The following ABLIM1 variants were observed in gnomAD, a reference collection of about 807,000 sequenced individuals.
ABLIM1 encodes the protein actin binding LIM protein 1, also known as actin-binding LIM protein 1.
Under a neutral mutation model 107.0 loss-of-function variants are expected in ABLIM1, and 40 were observed. That is an observed-to-expected ratio of 0.37 (90% CI 0.29 to 0.49). The LOEUF is 0.49. Ranked by LOEUF, ABLIM1 falls within the 20% of genes least tolerant of loss-of-function variation. The pLI is 0.97. For synonymous variants in ABLIM1, 357 were observed against 357.3 expected, an observed-to-expected ratio of 1.00 and a Z score of 0.01; for missense variants, 857 against 1,008.5, an observed-to-expected ratio of 0.85 and a Z score of 2.04.
In ABLIM1 at chr10:114,444,152, G is replaced by GAAAAA; in HGVS notation, c.1828-23_1828-19dup. 6.3e-6 allele frequency: 8 copies of GAAAAA among 1,276,162 alleles called. No homozygotes were observed. The highest frequency in any genetic ancestry group is 1.5e-5 in the South Asian group (1 of 67,022). The allele number at this position is 1,276,162 out of a possible 1,614,324, so 79.1% of individuals were successfully genotyped here. On this transcript the variant is annotated intron_variant, in intron 16 of 22. Coordinates refer to ENST00000533213, the MANE Select transcript of ABLIM1 (RefSeq NM_002313.7). Reference sequence around the variant, plus strand: ...GAGTTAAGCTATTCACAGAAAAAAGGAAAAAAAAAAAAAAAAGAAAGCAAA... The same window carrying GAAAAA: ...GAGTTAAGCTATTCACAGAAAAAAGGAAAAAAAAAAAAAAAAAAAAAGAAAGCAAA...
intron 13 of ABLIM1, among the ~76,000 whole-genome samples, chr10:114,452,977 C>A (rs919377649): frequency 6.6e-6 from 1 of 152,178 alleles, no homozygotes; most frequent in Non-Finnish European, 1.5e-5. Context: ...TAAAAGTATT[C>A]TCTCAGGTGA....
At chr10:114,623,347 G>T (rs368881453) in intron 1 of ABLIM1, among the ~76,000 whole-genome samples, 1 of 152,172 alleles carries the variant, frequency 6.6e-6, no homozygotes, top group African/African-American at 2.4e-5. Context: ...TTTGCTCCCA[G>T]TATCATATAC....
intron 6 of ABLIM1, among the ~76,000 whole-genome samples, chr10:114,524,639 T>C (rs1205404451): frequency 6.6e-6 from 1 of 152,182 alleles, no homozygotes; most frequent in South Asian, 2.1e-4. Flanking sequence ...TGGGTAACTA[T>C]TTGCTTTATA....
At chr10:114,743,866 GA>G (rs201110969) in intron 1 of ABLIM1, among the ~76,000 whole-genome samples, 1 of 150,788 alleles carries the variant, frequency 6.6e-6, no homozygotes. Flanking sequence ...TAATGTAAAA[GA>G]AAAAAAAAGC....
chr10:114,541,258 T>C (rs962353028), intron 6 of ABLIM1, among the ~76,000 whole-genome samples: 1 of 151,710 alleles, frequency 6.6e-6, no homozygotes, highest in East Asian at 1.9e-4. Flanking sequence ...GAACTCAGTT[T>C]AAGAACTAAC....
intron 1 of ABLIM1, among the ~76,000 whole-genome samples, chr10:114,742,631 T>C (rs577294379): frequency 2.0e-5 from 3 of 152,230 alleles, no homozygotes; most frequent in East Asian, 1.9e-4. Flanking sequence ...AATGGAGTAA[T>C]AATATTATCT....
chr10:114,626,269 A>G (rs1401560383), intron 1 of ABLIM1, among the ~76,000 whole-genome samples: 1 of 152,176 alleles, frequency 6.6e-6, no homozygotes, highest in Non-Finnish European at 1.5e-5. Context: ...ATCAAACCAT[A>G]AAGGGTGCTG....
Position 114,433,427 on chromosome 10 carries a change from G to A in ABLIM1, c.*2833C>T, listed in dbSNP as rs1663415540. ...GCCTTTTGCTGGGAAATGGAGTAGG[G>A]GGCCCACTCTGCATTATGGTTTCCA... On this transcript the variant is annotated 3_prime_UTR_variant, in exon 23 of 23. Coordinates refer to ENST00000533213, the MANE Select transcript of ABLIM1 (RefSeq NM_002313.7). The A allele has an allele frequency of 6.6e-6, 1 of 152,206 alleles. No homozygotes were observed. Among genetic ancestry groups the A allele is most frequent in the Non-Finnish European group, 1.5e-5 (1 of 68,042 alleles). The allele number at this position is 152,206 out of a possible 1,614,324, so 9.4% of individuals were successfully genotyped here.
chr10:114,456,842 G>C (rs970050157), intron 12 of ABLIM1, among the ~76,000 whole-genome samples: 2 of 151,862 alleles, frequency 1.3e-5, no homozygotes, highest in Non-Finnish European at 2.9e-5. Flanking sequence ...CCAAGGACTG[G>C]ATTCTGGCTG....
chr10:114,718,020 AAGGAAG>A lies in ABLIM1; in HGVS notation c.-213+50035_-213+50040del, dbSNP rs1441897275. Among the ~76,000 whole-genome samples, 238 of 137,334 alleles carry A rather than the reference AAGGAAG, an allele frequency of 1.7e-3. 1 individual carries two copies. The highest frequency in any genetic ancestry group is 4.0e-3 in the African/African-American group (143 of 36,118). 90.1% of individuals were successfully genotyped at this position (137,334 alleles called of 152,430 possible). ...GAAGGAAGGAAGGAAGGAAGGAAGG[AAGGAAG>A]GAAGGAGAAAGAGAAAGAGAAAGAA... is the stretch of plus-strand genomic sequence containing the variant. On this transcript the variant is annotated intron_variant, in intron 1 of 15. Transcript: ENST00000651092.
At chr10:114,691,990 G>C (rs1211655275) in intron 1 of ABLIM1, among the ~76,000 whole-genome samples, 4 of 152,154 alleles carry the variant, frequency 2.6e-5, no homozygotes, top group Non-Finnish European at 4.4e-5. Flanking sequence ...TCTCTCTCCT[G>C]CACTGTTCAC....
At chr10:114,485,978 C>G (rs1202053171) in intron 8 of ABLIM1, among the ~76,000 whole-genome samples, 1 of 152,186 alleles carries the variant, frequency 6.6e-6, no homozygotes, top group African/African-American at 2.4e-5. Context: ...GAGCCTCTTC[C>G]TCACTTCTGA....
chr10:114,484,536 C>A (rs2057892685), intron 8 of ABLIM1, among the ~76,000 whole-genome samples: 1 of 152,090 alleles, frequency 6.6e-6, no homozygotes, highest in South Asian at 2.1e-4. Flanking sequence ...GCGCCCACAA[C>A]CATGCCTGGC....
chr10:114,602,093 C>T, intron 1 of ABLIM1, 132 bp from the exon 2 acceptor site: 1 of 1,194,388 alleles, frequency 8.4e-7, no homozygotes, highest in Non-Finnish European at 1.2e-6. Context: ...AGAGCAGTCC[C>T]TCCAAGTCAT....
chr10:114,555,376 G>C (rs571702399), intron 4 of ABLIM1, among the ~76,000 whole-genome samples: 4 of 152,116 alleles, frequency 2.6e-5, no homozygotes, highest in Non-Finnish European at 5.9e-5. Flanking sequence ...GAGTGGGCCC[G>C]GGCTTTGCCT....
rs557545954 is a variant in ABLIM1 at position 114,469,542 on chromosome 10, C to T, written c.1276-1326G>A. 7.2e-5 allele frequency among the ~76,000 whole-genome samples: 11 copies of T among 152,354 alleles called. No individual in the cohort carries two copies. In the South Asian group the frequency reaches 2.1e-3, roughly 29 times the overall value. On this transcript the variant is annotated intron_variant, in intron 10 of 22. Transcript: ENST00000533213. Reference sequence around the variant, plus strand: ...ATGTCTCTGCTCAAACCCACTGTCACACAGCATCTCCGTGACCATTCTGTC... The same window carrying T: ...ATGTCTCTGCTCAAACCCACTGTCATACAGCATCTCCGTGACCATTCTGTC...
chr10:114,482,451 C>A (rs915472131), intron 8 of ABLIM1, among the ~76,000 whole-genome samples: 2 of 152,128 alleles, frequency 1.3e-5, no homozygotes, highest in Admixed American at 6.5e-5. Context: ...ACTAAGGGTA[C>A]TGAATTTTAA....
intron 6 of ABLIM1, among the ~76,000 whole-genome samples, chr10:114,515,564 G>C (rs180924411): frequency 6.6e-6 from 1 of 152,178 alleles, no homozygotes; most frequent in African/African-American, 2.4e-5. Context: ...TTGGCTATGT[G>C]AGCCTCTTTT....
At chr10:114,730,678 A>G (rs1027642052) in intron 1 of ABLIM1, among the ~76,000 whole-genome samples, 3 of 152,300 alleles carry the variant, frequency 2.0e-5, no homozygotes, top group South Asian at 2.1e-4. Flanking sequence ...TACAACGTAC[A>G]TATCAACTCA....
Sources: gnomAD v4.1 joint callset for allele counts (sites outside exome capture counted in the v4.1 genomes callset) on GRCh38, gnomAD v4.1.1 for gene constraint, MANE v1.5 for transcripts, NCBI Gene and HGNC (gene_info 2026-07-23, HGNC 2026-07-21) for gene names.